Variants in STXBP5L observed in about 807,000 individuals in gnomAD.
STXBP5L encodes syntaxin binding protein 5L.
STXBP5L carries 65 observed loss-of-function variants against 144.5 expected under a neutral mutation model. The ratio of observed to expected loss-of-function variants is 0.45; its 90% CI spans 0.37 to 0.55. The LOEUF (loss-of-function observed/expected upper bound fraction) is 0.55. Among genes scored for constraint, STXBP5L ranks in the 20% least tolerant of loss-of-function variants. The pLI, the probability that STXBP5L is intolerant of heterozygous loss-of-function variation, is 0.00. For synonymous variants in STXBP5L, 505 were observed against 469.6 expected (o/e 1.08, Z -0.97); for missense variants, 1,298 against 1,405.5 (o/e 0.92, Z 1.22).
intron 2 of STXBP5L, among the ~76,000 whole-genome samples, chr3:120,953,205 A>G (rs921342148): frequency 3.3e-5 from 5 of 152,100 alleles, no homozygotes; most frequent in African/African-American, 1.2e-4. Context: ...TTGAACAAAT[A>G]TGATATGAAA....
At chr3:121,111,673 C>G (rs754605914) in intron 5 of STXBP5L, among the ~76,000 whole-genome samples, 1 of 152,088 alleles carries the variant, frequency 6.6e-6, no homozygotes, top group Non-Finnish European at 1.5e-5. Flanking sequence ...GTCTGGTGAC[C>G]CTTGTTGGGG....
At chr3:121,231,250 T>C (rs2049301065) in intron 11 of STXBP5L, among the ~76,000 whole-genome samples, 1 of 152,194 alleles carries the variant, frequency 6.6e-6, no homozygotes, top group Non-Finnish European at 1.5e-5. Context: ...CCTCGACTGG[T>C]GGTGGCCAAG....
At chr3:121,122,602 A>G (rs1279180799) in intron 7 of STXBP5L, among the ~76,000 whole-genome samples, 2 of 151,478 alleles carry the variant, frequency 1.3e-5, no homozygotes, top group Non-Finnish European at 3.0e-5. Flanking sequence ...ATTTTAAAGA[A>G]GATGTCTGAG....
intron 3 of STXBP5L, among the ~76,000 whole-genome samples, chr3:120,957,218 A>G (rs1260916686): frequency 1.3e-5 from 2 of 151,864 alleles, no homozygotes; most frequent in Non-Finnish European, 2.9e-5. Context: ...GTTTTTATTT[A>G]CTGTAGCTTT....
chr3:121,134,467 C>G (rs1253125159), intron 7 of STXBP5L, among the ~76,000 whole-genome samples: 1 of 151,940 alleles, frequency 6.6e-6, no homozygotes, highest in Non-Finnish European at 1.5e-5. Context: ...AAGTTTGTTA[C>G]ATATGTATAC....
At chr3:121,219,322 A>G (rs1294765411) in intron 10 of STXBP5L, among the ~76,000 whole-genome samples, 1 of 152,154 alleles carries the variant, frequency 6.6e-6, no homozygotes, top group Non-Finnish European at 1.5e-5. Flanking sequence ...GAAACTGTAC[A>G]GTTATAAGTC....
chr3:121,093,918 C>T (rs992456581), intron 5 of STXBP5L, among the ~76,000 whole-genome samples: 30 of 152,146 alleles, frequency 2.0e-4, no homozygotes, highest in Admixed American at 1.6e-3. Flanking sequence ...TAGTGCTATA[C>T]ATTTCCCTCT....
chr3:121,190,627 C>A lies in STXBP5L; in HGVS notation c.878-15296C>A, dbSNP rs551939715. On this transcript the variant is annotated intron_variant, in intron 9 of 26. Coordinates refer to ENST00000471454, the MANE Select transcript of STXBP5L (RefSeq NM_001308330.2). The stretch of plus-strand genomic sequence containing the variant: ...GGGGCTCCTCACTTCCCAGACGGGG[C>A]AGCCAGGCAGAGGCACCCCCCACCT... Among the ~76,000 whole-genome samples the A allele has an allele frequency of 1.9e-4, 28 of 146,252 alleles. No individual in the cohort carries two copies. In the South Asian group the frequency reaches 6.2e-3, roughly 32 times the overall value.
At chr3:121,017,845 G>T (rs553964168) in intron 3 of STXBP5L, among the ~76,000 whole-genome samples, 1 of 152,154 alleles carries the variant, frequency 6.6e-6, no homozygotes, top group Non-Finnish European at 1.5e-5. Context: ...GGGAGGCTGA[G>T]GCAGGAGGAT....
At chr3:121,331,383 C>A (rs968291963) in intron 20 of STXBP5L, among the ~76,000 whole-genome samples, 2 of 152,160 alleles carry the variant, frequency 1.3e-5, no homozygotes, top group African/African-American at 2.4e-5. Context: ...CTGTAGACAC[C>A]CTTTCTGGAA....
intron 11 of STXBP5L, among the ~76,000 whole-genome samples, chr3:121,226,693 G>T (rs2049134060): frequency 6.6e-6 from 1 of 152,156 alleles, no homozygotes; most frequent in Non-Finnish European, 1.5e-5. Flanking sequence ...ATCTAGTCCA[G>T]TCTATAGCCA....
intron 9 of STXBP5L, among the ~76,000 whole-genome samples, chr3:121,193,917 C>T (rs1007656793): frequency 6.6e-6 from 1 of 151,770 alleles, no homozygotes; most frequent in Admixed American, 6.6e-5. Flanking sequence ...CACATGTATA[C>T]CTATGTAACA....
chr3:120,960,778 G>T (rs1017817663), intron 3 of STXBP5L, among the ~76,000 whole-genome samples: 2 of 151,824 alleles, frequency 1.3e-5, no homozygotes, highest in Non-Finnish European at 2.9e-5. Context: ...GGGCAGGGGG[G>T]AGGGATAGCA....
intron 22 of STXBP5L, among the ~76,000 whole-genome samples, chr3:121,390,033 A>G (rs921333344): frequency 4.6e-5 from 7 of 152,112 alleles, no homozygotes; most frequent in African/African-American, 1.4e-4. Flanking sequence ...GTCTCTTTGT[A>G]TGTCTCTAAG....
chr3:121,111,141 G>A (rs577786540), intron 5 of STXBP5L, among the ~76,000 whole-genome samples: 9 of 152,226 alleles, frequency 5.9e-5, no homozygotes, highest in Non-Finnish European at 8.8e-5. Flanking sequence ...CTCCTGTAAT[G>A]TTTTATCATG....
intron 15 of STXBP5L, among the ~76,000 whole-genome samples, chr3:121,251,985 G>C (rs995693833): frequency 1.3e-5 from 2 of 152,158 alleles, no homozygotes; most frequent in East Asian, 1.9e-4. Context: ...ATGCAAACCT[G>C]AGTTTGTTCC....
intron 20 of STXBP5L, among the ~76,000 whole-genome samples, chr3:121,338,607 AAAG>A (rs1383651863): frequency 5.0e-4 from 74 of 148,354 alleles, no homozygotes; most frequent in African/African-American, 1.8e-3. Flanking sequence ...AAAAAAAAAA[AAAG>A]AGAGAAAGAG....
chr3:120,967,487 G>A (rs1264822744), intron 3 of STXBP5L, among the ~76,000 whole-genome samples: 1 of 152,102 alleles, frequency 6.6e-6, no homozygotes, highest in African/African-American at 2.4e-5. Flanking sequence ...CCTGGGCTGG[G>A]ATTTTTAGGT....
chr3:121,045,412 A>C, intron 4 of STXBP5L, 23 bp from the exon 5 acceptor site: 1 of 1,588,644 alleles, frequency 6.3e-7, no homozygotes, highest in Non-Finnish European at 8.5e-7. Context: ...TCACACACTT[A>C]CTTTATCTTC....
Sources: gnomAD v4.1 joint callset for allele counts (sites outside exome capture counted in the v4.1 genomes callset) on GRCh38, gnomAD v4.1.1 for gene constraint, MANE v1.5 for transcripts, NCBI Gene and HGNC (gene_info 2026-07-23, HGNC 2026-07-21) for gene names.